CELF2: variants seen among roughly 807,000 people sequenced by gnomAD.
CELF2 encodes the protein CUGBP Elav-like family member 2, also known as CUG triplet repeat RNA-binding protein 2.
In CELF2, 8 loss-of-function variants were observed where a neutral mutation model predicts 62.6. The observed-to-expected ratio is 0.13, with a 90% CI of 0.07 to 0.23. The LOEUF (loss-of-function observed/expected upper bound fraction) is 0.23. Among genes scored for constraint, CELF2 ranks in the 10% least tolerant of loss-of-function variants. The pLI, the probability that CELF2 is intolerant of heterozygous loss-of-function variation, is 1.00. For missense variants in CELF2, 333 were observed against 671.0 expected (o/e 0.50, Z 5.56); for synonymous variants, 258 against 250.0 (o/e 1.03, Z -0.30).
intron 2 of CELF2, among the ~76,000 whole-genome samples, chr10:10,949,731 G>A (rs921285708): frequency 6.6e-6 from 1 of 151,244 alleles, no homozygotes; most frequent in Admixed American, 6.6e-5. Flanking sequence ...AAGCTGGGAG[G>A]TGGAGGTTGC....
Position 11,110,383 on chromosome 10 carries a change from G to GA in CELF2, c.75-55097dup, listed in dbSNP as rs574993494. Among the ~76,000 whole-genome samples the GA allele has an allele frequency of 9.8e-5, 15 of 152,326 alleles. No homozygotes were observed. In the East Asian group the frequency reaches 2.5e-3, roughly 25 times the overall value. ...TTCATCCCCGTCATTGAGTGGAACA[G>GA]AAAAAATGTGAAACGATGAAGTTTT... On this transcript the variant is annotated intron_variant, in intron 1 of 12. Coordinates refer to ENST00000633077, the MANE Select transcript of CELF2 (RefSeq NM_001326342.2). The surrounding 1 kb of genome is among the most constrained non-coding windows in gnomAD (Gnocchi z 4.0).
intron 2 of CELF2, among the ~76,000 whole-genome samples, chr10:11,174,295 G>A (rs1020463883): frequency 6.6e-6 from 1 of 152,126 alleles, no homozygotes; most frequent in South Asian, 2.1e-4. Flanking sequence ...AGAAAGTTTT[G>A]CTGTAAATGG....
At chr10:10,640,142 T>A in the CELF2 span, among the ~76,000 whole-genome samples, 32,017 of 152,184 alleles carry the variant, frequency 0.21, 3,977 homozygotes, top group Non-Finnish European at 0.29. Context: ...ATTCCTTATG[T>A]CTTTAATTAT....
chr10:11,044,958 C>T (rs1435933241), intron 1 of CELF2, among the ~76,000 whole-genome samples: 2 of 152,200 alleles, frequency 1.3e-5, no homozygotes, highest in African/African-American at 4.8e-5. Context: ...CCAGATTGTT[C>T]AAGTGCCTTC....
chr10:10,926,563 A>G (rs886721033), intron 2 of CELF2, among the ~76,000 whole-genome samples: 2 of 152,178 alleles, frequency 1.3e-5, no homozygotes, highest in Non-Finnish European at 2.9e-5. Context: ...ACCGTCTGCC[A>G]TCTTCATCAT....
intron 1 of CELF2, among the ~76,000 whole-genome samples, chr10:10,803,582 C>T (rs1024545881): frequency 3.3e-5 from 5 of 152,192 alleles, no homozygotes; most frequent in African/African-American, 1.2e-4. Context: ...AAAAGTCAAC[C>T]TCTAGCACAT....
At chr10:11,104,756 AC>A (rs2052895909) in intron 1 of CELF2, among the ~76,000 whole-genome samples, 1 of 152,258 alleles carries the variant, frequency 6.6e-6, no homozygotes, top group African/African-American at 2.4e-5. Context: ...ATTATTGAAA[AC>A]AAGATACAAT....
the CELF2 span, among the ~76,000 whole-genome samples, chr10:10,642,240 C>G: frequency 6.6e-6 from 1 of 152,222 alleles, no homozygotes; most frequent in East Asian, 1.9e-4. Flanking sequence ...CCACTTTACA[C>G]ATTTATTGCC....
chr10:10,745,364 G>C, the CELF2 span, among the ~76,000 whole-genome samples: 2 of 151,976 alleles, frequency 1.3e-5, no homozygotes. Context: ...TAGTTTTCAA[G>C]GCAATTTTCT....
the CELF2 span, among the ~76,000 whole-genome samples, chr10:10,538,722 G>A: frequency 2.6e-5 from 4 of 152,178 alleles, no homozygotes; most frequent in Non-Finnish European, 5.9e-5. Context: ...TTATGAGCAT[G>A]GAGAAATTAC....
the CELF2 span, among the ~76,000 whole-genome samples, chr10:10,539,066 T>C: frequency 6.6e-6 from 1 of 152,234 alleles, no homozygotes; most frequent in Non-Finnish European, 1.5e-5. Flanking sequence ...AAATGCTGAT[T>C]TCTGATCCAC....
chr10:10,560,520 C>T, the CELF2 span, among the ~76,000 whole-genome samples: 1 of 152,130 alleles, frequency 6.6e-6, no homozygotes. Context: ...CACCGGTTCC[C>T]TCCACTTGTA....
chr10:10,894,812 C>T (rs756076720), intron 1 of CELF2, among the ~76,000 whole-genome samples: 5 of 152,196 alleles, frequency 3.3e-5, no homozygotes, highest in Non-Finnish European at 5.9e-5. Flanking sequence ...TGTTGATGGG[C>T]ACACCGGAAA....
Position 11,034,929 on chromosome 10 carries a change from C to T in CELF2, c.74+16766C>T, listed in dbSNP as rs141884136. On this transcript the variant is annotated intron_variant, in intron 1 of 12. Coordinates refer to ENST00000633077, the MANE Select transcript of CELF2 (RefSeq NM_001326342.2). ...GACATTCGAGATCCAACCTGAGGCT[C>T]TGTTTTGTGCCCTTGGTACTCAAGT... Among the ~76,000 whole-genome samples, 355 of 152,262 alleles carry T rather than the reference C, an allele frequency of 2.3e-3. 1 individual carries two copies. The highest frequency in any genetic ancestry group is 8.3e-3 in the African/African-American group (343 of 41,550).
chr10:10,475,502 A>G, the CELF2 span, among the ~76,000 whole-genome samples: 1 of 151,962 alleles, frequency 6.6e-6, no homozygotes, highest in African/African-American at 2.4e-5. Context: ...GTAATTTTCT[A>G]CTTCCAGATC....
At chr10:10,944,732 G>A (rs2047458481) in intron 2 of CELF2, among the ~76,000 whole-genome samples, 1 of 151,966 alleles carries the variant, frequency 6.6e-6, no homozygotes, top group African/African-American at 2.4e-5. Context: ...CTCCCGAGTA[G>A]CTGGGATTAC....
At chr10:11,295,204 T>C (rs2093021944) in intron 9 of CELF2, among the ~76,000 whole-genome samples, 1 of 147,300 alleles carries the variant, frequency 6.8e-6, no homozygotes, top group African/African-American at 2.6e-5. Context: ...CACCTCTTGA[T>C]AGATTTTTTT....
At chr10:11,072,185 T>C (rs2070288603) in intron 1 of CELF2, among the ~76,000 whole-genome samples, 1 of 152,186 alleles carries the variant, frequency 6.6e-6, no homozygotes, top group African/African-American at 2.4e-5. Flanking sequence ...CCCCATTTAA[T>C]AGATGTTTTC....
chr10:10,919,039 G>A (rs2064616874), intron 1 of CELF2, among the ~76,000 whole-genome samples: 1 of 152,140 alleles, frequency 6.6e-6, no homozygotes, highest in Non-Finnish European at 1.5e-5. Flanking sequence ...GGTAAGCTGA[G>A]GCAGGCAGAT....
Sources: allele counts gnomAD v4.1 joint callset (sites outside exome capture counted in the v4.1 genomes callset), GRCh38; gene constraint gnomAD v4.1.1; non-coding constraint Gnocchi (gnomAD v3.1); transcripts MANE v1.5; gene names NCBI Gene and HGNC (gene_info 2026-07-23, HGNC 2026-07-21).